The following GMIP variants were observed in gnomAD, a reference collection of about 807,000 sequenced individuals.
GMIP encodes the protein GEM-interacting protein.
A neutral mutation model predicts 105.3 loss-of-function variants in GMIP; 54 were observed. The observed-to-expected ratio is 0.51, with a 90% CI of 0.41 to 0.64. The LOEUF is 0.64. Among genes scored for constraint, GMIP ranks in the 30% least tolerant of loss-of-function variants. The pLI is 0.00. For missense variants in GMIP, 1,110 were observed against 1,319.4 expected, an observed-to-expected ratio of 0.84 and a Z score of 2.46; for synonymous variants, 541 against 560.8, an observed-to-expected ratio of 0.96 and a Z score of 0.50.
Position 19,637,797 on chromosome 19 carries a change from A to C in GMIP, c.927+123T>G, listed in dbSNP as rs998405854. 16 of 1,094,586 alleles carry C rather than the reference A, an allele frequency of 1.5e-5. No individual in the cohort carries two copies. Among genetic ancestry groups the C allele is most frequent in the Non-Finnish European group, 2.1e-5 (16 of 765,144 alleles). The allele number at this position is 1,094,586 out of a possible 1,614,324, so 67.8% of individuals were successfully genotyped here. A position where few individuals can be genotyped will look rare whatever the true frequency, so the allele number is the denominator to read the frequency against. On this transcript the variant is annotated intron_variant, in intron 10 of 20. Transcript: ENST00000203556. This position sits in a 1 kb window ranked among gnomAD's most constrained non-coding sequence, Gnocchi z 6.7. ...CGAGACAGTGGGTCTGGGGGCGGGA[A>C]CTGGCTGTCGAGGGAAATGGCCTAG...
Position 19,641,857 on chromosome 19 carries a change from G to T in GMIP, c.191C>A (p.Ala64Asp), listed in dbSNP as rs140654464. The change falls in exon 4 of 21, where the codon GCC (alanine) becomes GAC (aspartate). Residue 64 changes from alanine to aspartate, a missense_variant. By Grantham distance (126) the Ala-to-Asp change is moderately radical (BLOSUM62 -2). Coordinates refer to ENST00000203556, the MANE Select transcript of GMIP (RefSeq NM_016573.4). The part of the protein sequence containing the change: ...KTPTATVTNE[A>D]SCWSGPSPEG... ...TGGGGAGGGGCCGCTCCAACAGCTG[G>T]CTTCGTTGGTCTGTGCGGGAGGGAG... The T allele has an allele frequency of 4.3e-6, 7 of 1,613,324 alleles. No homozygotes were observed. The East Asian group carries it at 1.1e-4, about 26-fold the overall frequency.
chr19:19,641,219 T>C (rs928190741), intron 4 of GMIP, among the ~76,000 whole-genome samples: 1 of 152,178 alleles, frequency 6.6e-6, no homozygotes, highest in African/African-American at 2.4e-5. Context: ...TATCTGGGAC[T>C]ACAGGCACTC....
rs777911655 is a variant in GMIP at position 19,638,467 on chromosome 19, G to T, written c.553C>A (p.Arg185=). The change falls in exon 8 of 21, where the codon CGG becomes AGG. Residue 185 remains arginine, a synonymous_variant. Transcript: ENST00000203556. ...RDYYQPLAAK[R]TEIEKWRKEF... ...TTCCGCCACTTCTCAATCTCAGTCC[G>T]TTTGGCGGCGAGGGGCTGGCAAGGG... 1.9e-6 allele frequency: 3 copies of T among 1,613,882 alleles called. No homozygotes were observed. In the African/African-American group the frequency reaches 4.0e-5, roughly 22 times the overall value.
intron 19 of GMIP, among the ~76,000 whole-genome samples, chr19:19,631,456 TC>T (rs1019386362): frequency 6.6e-6 from 1 of 152,172 alleles, no homozygotes; most frequent in Non-Finnish European, 1.5e-5. Context: ...TCAGACACTG[TC>T]CCGAGCACTT....
In GMIP at chr19:19,635,606, G is replaced by T. The variant is rs2061845969; in HGVS notation, c.1406-37C>A. 6.2e-7 allele frequency: 1 copy of T among 1,613,650 alleles called. No homozygotes were observed. Among genetic ancestry groups the T allele is most frequent in the East Asian group, 2.2e-5 (1 of 44,850 alleles). ...CAGGGTCAGGAGTGCCTGGTGCCCT[G>T]CCCTGTCCCATCCTGACCTACCCTG... is the stretch of plus-strand genomic sequence containing the variant. On this transcript the variant is annotated intron_variant, in intron 14 of 20. Transcript: ENST00000203556. The surrounding 1 kb of genome is among the most constrained non-coding windows in gnomAD (Gnocchi z 4.7).
rs1393248496 is a variant in GMIP, at chr19:19,636,791, G to T, written c.1243C>A (p.Pro415Thr). 1 of 1,610,964 alleles carries T rather than the reference G, an allele frequency of 6.2e-7. No homozygotes were observed. Among genetic ancestry groups the T allele is most frequent in the Admixed American group, 1.7e-5 (1 of 59,710 alleles). ...ACATCGCTGCCCGGAGTGGGGCCTGGAGTCCCTAGGTGGCACAGGTCAATA... is the reference window on the plus strand; with the variant it reads ...ACATCGCTGCCCGGAGTGGGGCCTGTAGTCCCTAGGTGGCACAGGTCAATA... Reference protein sequence around the residue: ...PGTGWRWQGTPGPTPGSDVDS... With the variant: ...PGTGWRWQGTTGPTPGSDVDS... The change falls in exon 13 of 21, where the codon CCA becomes ACA. Residue 415 changes from proline (P) to threonine (T), a missense_variant. Physicochemically the swap from Pro to Thr is conservative, Grantham distance 38. Around this residue, in one of 3 missense-constraint regions of GMIP, gnomAD observed 667 missense variants for 773.2 expected, o/e 0.86. Transcript: ENST00000203556.
rs880090 is a variant in GMIP, at chr19:19,629,920, C to A, written c.*43G>T. On this transcript the variant is annotated 3_prime_UTR_variant, in exon 21 of 21. Coordinates refer to ENST00000203556, the MANE Select transcript of GMIP (RefSeq NM_016573.4). The stretch of plus-strand genomic sequence containing the variant: ...GGGAGGTAGGGATATATGGGTCCGT[C>A]TTCACAATCTGGGCCTCTTCCTTAT... 1.3e-6 allele frequency: 2 copies of A among 1,572,080 alleles called. No homozygotes were observed. Among genetic ancestry groups the A allele is most frequent in the South Asian group, 1.2e-5 (1 of 86,294 alleles).
rs747079908 is a variant in GMIP, at chr19:19,638,474, G to C, written c.546C>G (p.Ala182=). Residue 182 remains alanine (A), a synonymous_variant, in exon 8 of 21, where the codon GCC becomes GCG. Coordinates refer to ENST00000203556, the MANE Select transcript of GMIP (RefSeq NM_016573.4). ...ACTTCTCAATCTCAGTCCGTTTGGCGGCGAGGGGCTGGCAAGGGTTGGGGA... is the reference window on the plus strand; with the variant it reads ...ACTTCTCAATCTCAGTCCGTTTGGCCGCGAGGGGCTGGCAAGGGTTGGGGA... The part of the protein sequence containing the change: ...QQKRDYYQPL[A]AKRTEIEKWR... The C allele has an allele frequency of 8.8e-5, 142 of 1,613,852 alleles. No individual in the cohort carries two copies. The highest frequency in any genetic ancestry group is 1.2e-4 in the Non-Finnish European group (138 of 1,179,968).
Position 19,637,447 on chromosome 19 carries a change from A to G in GMIP, c.1042T>C (p.Phe348Leu). ...PFEPGQRYQE[F>L]VRALRPEAPP... is the part of the protein sequence containing the mutation. ...GCCTCGGGCCGCAGCGCCCGTACAA[A>G]CTCCTGGTAGCGCTGGCCCGGCTCA... The change falls in exon 11 of 21, where the codon TTT becomes CTT. Residue 348 changes from phenylalanine (F) to leucine (L), a missense_variant. Phe to Leu is a conservative substitution (Grantham distance 22). Transcript: ENST00000203556. The surrounding 1 kb of genome is among the most constrained non-coding windows in gnomAD (Gnocchi z 6.7). The G allele has an allele frequency of 6.6e-7, 1 of 1,520,478 alleles. No homozygotes were observed. 94.2% of individuals were successfully genotyped at this position (1,520,478 alleles called of 1,614,324 possible). A position where few individuals can be genotyped will look rare whatever the true frequency, so the allele number is the denominator to read the frequency against.
chr19:19,629,630 C>G lies in GMIP; in HGVS notation c.*333G>C, dbSNP rs2061771165. 1 of 275,252 alleles carries G rather than the reference C, an allele frequency of 3.6e-6. No homozygotes were observed. The highest frequency in any genetic ancestry group is 6.9e-6 in the Non-Finnish European group (1 of 144,990). 17.1% of individuals were successfully genotyped at this position (275,252 alleles called of 1,614,324 possible). ...CACAACCAAAGTAGCAAAAGCACCC[C>G]TGTCCCAGGTGTCAGAGACTAGGGT... On this transcript the variant is annotated 3_prime_UTR_variant, in exon 21 of 21. Transcript: ENST00000203556.
rs1179471561 is a variant in GMIP at position 19,634,268 on chromosome 19, G to A, written c.2085-78C>T. ...CTGAGGGTAAGGGTGGGACACGCAG[G>A]CCAGCCTAGAGGTGACTTGCCCATG... is the stretch of plus-strand genomic sequence containing the variant. On this transcript the variant is annotated intron_variant, in intron 18 of 20. Transcript: ENST00000203556. The surrounding 1 kb of genome is among the most constrained non-coding windows in gnomAD (Gnocchi z 6.1). 7.0e-6 allele frequency: 10 copies of A among 1,432,534 alleles called. No homozygotes were observed. Among genetic ancestry groups the A allele is most frequent in the Non-Finnish European group, 6.5e-6 (7 of 1,073,478 alleles). 88.7% of individuals were successfully genotyped at this position (1,432,534 alleles called of 1,614,324 possible).
chr19:19,638,533 G>T, intron 7 of GMIP, 51 bp from the exon 8 acceptor site: 2 of 1,470,310 alleles, frequency 1.4e-6, no homozygotes, highest in East Asian at 2.3e-5. Context: ...GGCCAACCCA[G>T]AAGCAGCCAC....
At chr19:19,642,259 TG>T (rs1056970472) in intron 2 of GMIP, among the ~76,000 whole-genome samples, 3 of 152,044 alleles carry the variant, frequency 2.0e-5, no homozygotes, top group Admixed American at 6.6e-5. Flanking sequence ...CAGATAACTT[TG>T]AGGTTCATAG....
Position 19,643,506 on chromosome 19 carries a change from C to G in GMIP, c.19+5G>C, listed in dbSNP as rs747926860. On this transcript the variant is annotated splice_donor_5th_base_variant and intron_variant, in intron 1 of 20. Coordinates refer to ENST00000203556, the MANE Select transcript of GMIP (RefSeq NM_016573.4). ...GAGGCCCCTCCCGGATCCCCGACCC[C>G]CTACCCGGCTCTGCTGCGTCCATAT... 6.5e-6 allele frequency: 10 copies of G among 1,547,666 alleles called. No individual in the cohort carries two copies. The East Asian group carries it at 2.2e-4, about 34-fold the overall frequency.
chr19:19,633,012 C>T lies in GMIP; in HGVS notation c.2472+791G>A, dbSNP rs533022165. Among the ~76,000 whole-genome samples, 3 of 152,090 alleles carry T rather than the reference C, an allele frequency of 2.0e-5. No individual in the cohort carries two copies. The South Asian group carries it at 6.2e-4, about 32-fold the overall frequency. On this transcript the variant is annotated intron_variant, in intron 19 of 20. Coordinates refer to ENST00000203556, the MANE Select transcript of GMIP (RefSeq NM_016573.4). ...CCACCATCCTACTTAGTGATACAAA[C>T]TCCACCTCCCACCGTGCTGCTCCCT...
In GMIP at chr19:19,635,291, A is replaced by G; in HGVS notation, c.1561-78T>C. The G allele has an allele frequency of 6.6e-7, 1 of 1,513,026 alleles. No homozygotes were observed. The highest frequency in any genetic ancestry group is 1.2e-5 in the South Asian group (1 of 83,562). 93.7% of individuals were successfully genotyped at this position (1,513,026 alleles called of 1,614,324 possible). Reference sequence around the variant, plus strand: ...AGAAGGTTACAAGGATCCTCAAGGAATGGGGGCTCATGGGAGACATCAGGT... The same window carrying G: ...AGAAGGTTACAAGGATCCTCAAGGAGTGGGGGCTCATGGGAGACATCAGGT... On this transcript the variant is annotated intron_variant, in intron 15 of 20. Transcript: ENST00000203556. The surrounding 1 kb of genome is among the most constrained non-coding windows in gnomAD (Gnocchi z 4.7).
chr19:19,629,728 C>G lies in GMIP; in HGVS notation c.*235G>C, dbSNP rs889912144. The G allele has an allele frequency of 1.1e-5, 6 of 560,204 alleles. No homozygotes were observed. Among genetic ancestry groups the G allele is most frequent in the Non-Finnish European group, 1.9e-5 (6 of 318,222 alleles). 34.7% of individuals were successfully genotyped at this position (560,204 alleles called of 1,614,324 possible). ...GAGTGACCTCTGAGCCCGAGTGGCC[C>G]TGATGCTTGGCAGTGACCTGTGTCT... On this transcript the variant is annotated 3_prime_UTR_variant, in exon 21 of 21. Transcript: ENST00000203556.
Position 19,643,626 on chromosome 19 carries a change from C to A in GMIP, c.-97G>T, listed in dbSNP as rs1214648724. 20 of 1,110,434 alleles carry A rather than the reference C, an allele frequency of 1.8e-5. No individual in the cohort carries two copies. In the Admixed American group the frequency reaches 3.6e-4, roughly 20 times the overall value. The allele number at this position is 1,110,434 out of a possible 1,614,324, so 68.8% of individuals were successfully genotyped here. ...GATTTCCTGCCGCCGCAGCCGCCGC[C>A]GCCGCCTCGGTTCCGCGTCGCCCTG... On this transcript the variant is annotated 5_prime_UTR_variant, in exon 1 of 21. Transcript: ENST00000203556.
chr19:19,629,632 G>A lies in GMIP; in HGVS notation c.*331C>T. The A allele has an allele frequency of 3.6e-6, 1 of 279,534 alleles. No individual in the cohort carries two copies. The allele number at this position is 279,534 out of a possible 1,614,324, so 17.3% of individuals were successfully genotyped here. On this transcript the variant is annotated 3_prime_UTR_variant, in exon 21 of 21. Coordinates refer to ENST00000203556, the MANE Select transcript of GMIP (RefSeq NM_016573.4). ...CAACCAAAGTAGCAAAAGCACCCCT[G>A]TCCCAGGTGTCAGAGACTAGGGTGG...
Sources: allele counts gnomAD v4.1 joint callset (sites outside exome capture counted in the v4.1 genomes callset), GRCh38; gene constraint gnomAD v4.1.1; regional missense constraint gnomAD v4.1.1; non-coding constraint Gnocchi (gnomAD v3.1); transcripts MANE v1.5; gene names NCBI Gene and HGNC (gene_info 2026-07-23, HGNC 2026-07-21).